The following OR13C9 variants were observed in gnomAD, a reference collection of about 807,000 sequenced individuals.
OR13C9 encodes olfactory receptor 13C9.
For synonymous variants in OR13C9, 133 were observed against 134.9 expected (o/e 0.99, Z 0.10); for missense variants, 368 against 382.2 (o/e 0.96, Z 0.31).
rs1826473866 is a variant in OR13C9, at chr9:104,617,907, G to A, written c.298C>T (p.Gln100Ter). The change falls in exon 1 of 1, where the codon CAG (glutamine) becomes TAG (stop). Residue 100 changes from glutamine (Q) to a stop codon, truncating the protein, a stop_gained. Transcript: ENST00000259362. LOFTEE classifies it low-confidence loss of function (END_TRUNC). ...KTISFSGCAVQMFLGLAMGTT... is the reference protein window; with the variant it reads ...KTISFSGCAV ...CCCATGGCCAAGCCAAGGAACATCT[G>A]CACTGCACAGCCAGAAAAGGAAATG... The A allele has an allele frequency of 6.2e-7, 1 of 1,614,044 alleles. No individual in the cohort carries two copies. The highest frequency in any genetic ancestry group is 1.3e-5 in the African/African-American group (1 of 74,996).
chr9:104,617,769 C>T lies in OR13C9; in HGVS notation c.436G>A (p.Val146Ile), dbSNP rs79796878. 1.9e-3 allele frequency: 3,096 copies of T among 1,613,912 alleles called. 74 individuals are homozygous for T. In the African/African-American group the frequency reaches 0.034, roughly 18 times the overall value. Residue 146 changes from valine to isoleucine, a missense_variant, in exon 1 of 1, where the codon GTT becomes ATT. By Grantham distance (29) the Val-to-Ile change is conservative (BLOSUM62 3). Transcript: ENST00000259362. Reference sequence around the variant, plus strand: ...ACAATCCCTGCAAACCAGGACCCAACAGCCATGGGTACATAGGCATTCTTG... The same window carrying T: ...ACAATCCCTGCAAACCAGGACCCAATAGCCATGGGTACATAGGCATTCTTG... The part of the protein sequence containing the change: ...MSKNAYVPMA[V>I]GSWFAGIVNS...
rs770746790 is a variant in OR13C9, at chr9:104,617,596, T to G, written c.609A>C (p.Thr203=). The G allele has an allele frequency of 1.9e-6, 3 of 1,613,800 alleles. No individual in the cohort carries two copies. The highest frequency in any genetic ancestry group is 1.7e-4 in the Middle Eastern group (1 of 6,060). The change falls in exon 1 of 1, where the codon ACA becomes ACC. Residue 203 remains threonine, a synonymous_variant. Transcript: ENST00000259362. The part of the protein sequence containing the change: ...SGNEFLMLVA[T]ILFTLMPLLL... Reference sequence around the variant, plus strand: ...GCAGTGGCATCAATGTGAACAATATTGTGGCCACAAGCATGAGGAACTCAT... The same window carrying G: ...GCAGTGGCATCAATGTGAACAATATGGTGGCCACAAGCATGAGGAACTCAT...
At position 104,617,546 on chromosome 9, in the gene OR13C9, A is replaced by G; in HGVS notation, c.659T>C (p.Leu220Ser). ...PLLLIVISYS[L>S]IISSILKIHS... ...AATCTTGAGGATGCTGGAAATGATT[A>G]ATGAGTAAGAGATAACTATCAAGAG... Residue 220 changes from leucine to serine, a missense_variant, in exon 1 of 1, where the codon TTA (leucine) becomes TCA (serine). Coordinates refer to ENST00000259362, the MANE Select transcript of OR13C9 (RefSeq NM_001001956.1). 1.2e-6 allele frequency: 2 copies of G among 1,613,858 alleles called. No homozygotes were observed. The highest frequency in any genetic ancestry group is 1.7e-6 in the Non-Finnish European group (2 of 1,179,916).
rs140784132 is a variant in OR13C9 at position 104,617,359 on chromosome 9, C to T, written c.846G>A (p.Met282Ile). 2.4e-4 allele frequency: 385 copies of T among 1,613,840 alleles called. No homozygotes were observed. The highest frequency in any genetic ancestry group is 1.4e-4 in the Non-Finnish European group (160 of 1,179,894). ...DLDATDKIIS[M>I]FYGVMTPMMN... ...TCATGGGAGTCATCACCCCATAGAA[C>T]ATGGATATAATTTTGTCGGTAGCAT... The change falls in exon 1 of 1, where the codon ATG becomes ATA. Residue 282 changes from methionine (M) to isoleucine (I), a missense_variant. Transcript: ENST00000259362.
chr9:104,617,822 T>C lies in OR13C9; in HGVS notation c.383A>G (p.Asn128Ser). 3 of 1,613,962 alleles carry C rather than the reference T, an allele frequency of 1.9e-6. No homozygotes were observed. Among genetic ancestry groups the C allele is most frequent in the Non-Finnish European group, 2.5e-6 (3 of 1,179,970 alleles). The change falls in exon 1 of 1, where the codon AAC (asparagine) becomes AGC (serine). Residue 128 changes from asparagine (N) to serine (S), a missense_variant. Asn to Ser is a conservative substitution (Grantham distance 46). Transcript: ENST00000259362. Reference protein sequence around the residue: ...MAFDRYVAICNPLRYPIIMSK... With the variant: ...MAFDRYVAICSPLRYPIIMSK... ...CATGATGATGGGATATCTCAGAGGG[T>C]TGCAGATAGCCACATAGCGGTCAAA...
chr9:104,617,439 G>A lies in OR13C9; in HGVS notation c.766C>T (p.Leu256Phe), dbSNP rs746441851. The change falls in exon 1 of 1, where the codon CTC (leucine) becomes TTC (phenylalanine). Residue 256 changes from leucine to phenylalanine, a missense_variant. Transcript: ENST00000259362. ...GACTTGGGCTTCATATACATGAAGA[G>A]GATGGTCCCATAGAATATTATGACC... The part of the protein sequence containing the change: ...TVVIIFYGTI[L>F]FMYMKPKSKE... 5 of 1,613,858 alleles carry A rather than the reference G, an allele frequency of 3.1e-6. No individual in the cohort carries two copies. Among genetic ancestry groups the A allele is most frequent in the South Asian group, 1.1e-5 (1 of 91,088 alleles).
rs143297558 is a variant in OR13C9 at position 104,617,394 on chromosome 9, C to T, written c.811G>A (p.Asp271Asn). The change falls in exon 1 of 1, where the codon GAT (aspartate) becomes AAT (asparagine). Residue 271 changes from aspartate (D) to asparagine (N), a missense_variant. Physicochemically the swap from Asp to Asn is conservative, Grantham distance 23. Transcript: ENST00000259362. The part of the protein sequence containing the change: ...KPKSKETLNS[D>N]DLDATDKIIS... Reference sequence around the variant, plus strand: ...ATTTTGTCGGTAGCATCCAAGTCATCTGAATTAAGTGTCTCTTTAGACTTG... The same window carrying T: ...ATTTTGTCGGTAGCATCCAAGTCATTTGAATTAAGTGTCTCTTTAGACTTG... The T allele has an allele frequency of 3.9e-5, 63 of 1,613,820 alleles. No individual in the cohort carries two copies. The Admixed American group carries it at 8.8e-4, about 23-fold the overall frequency.
rs1826478413 is a variant in OR13C9, at chr9:104,618,169, A to G, written c.36T>C (p.Phe12=). The change falls in exon 1 of 1, where the codon TTT becomes TTC. Residue 12 remains phenylalanine, a synonymous_variant. Transcript: ENST00000259362. ...EWENQTILVE[F]FLKGHSVHPR... is the part of the protein sequence containing the mutation. ...GGTGAACAGAATGTCCCTTCAGAAA[A>G]AATTCCACCAGAATGGTTTGGTTTT... The G allele has an allele frequency of 1.1e-5, 18 of 1,613,452 alleles. No homozygotes were observed. The highest frequency in any genetic ancestry group is 3.3e-5 in the Admixed American group (2 of 59,930).
In OR13C9 at chr9:104,617,658, C is replaced by G; in HGVS notation, c.547G>C (p.Ala183Pro). 6.2e-7 allele frequency: 1 copy of G among 1,613,950 alleles called. No homozygotes were observed. The highest frequency in any genetic ancestry group is 8.5e-7 in the Non-Finnish European group (1 of 1,179,972). Residue 183 changes from alanine (A) to proline (P), a missense_variant, in exon 1 of 1, where the codon GCT becomes CCT. Physicochemically the swap from Ala to Pro is conservative, Grantham distance 27. Coordinates refer to ENST00000259362, the MANE Select transcript of OR13C9 (RefSeq NM_001001956.1). ...VINHFSCEIL[A>P]VMKLACADIS... is the part of the protein sequence containing the mutation. ...TCAGCACAGGCCAACTTCATGACAG[C>G]TAGAATTTCACATGAGAAATGATTG... is the stretch of plus-strand genomic sequence containing the variant.
In OR13C9 at chr9:104,617,880, T is replaced by C; in HGVS notation, c.325A>G (p.Thr109Ala). The change falls in exon 1 of 1, where the codon ACA (threonine) becomes GCA (alanine). Residue 109 changes from threonine (T) to alanine (A), a missense_variant. Transcript: ENST00000259362. ...VQMFLGLAMG[T>A]TECVLLGMMA... The stretch of plus-strand genomic sequence containing the variant: ...ATGCCCAGAAGCACACACTCTGTTG[T>C]CCCCATGGCCAAGCCAAGGAACATC... 1 of 1,613,890 alleles carries C rather than the reference T, an allele frequency of 6.2e-7. No individual in the cohort carries two copies. Among genetic ancestry groups the C allele is most frequent in the Non-Finnish European group, 8.5e-7 (1 of 1,179,964 alleles).
At position 104,617,396 on chromosome 9, in the gene OR13C9, G is replaced by A; in HGVS notation, c.809C>T (p.Ser270Leu). The change falls in exon 1 of 1, where the codon TCA becomes TTA. Residue 270 changes from serine (S) to leucine (L), a missense_variant. Transcript: ENST00000259362. Reference protein sequence around the residue: ...MKPKSKETLNSDDLDATDKII... With the variant: ...MKPKSKETLNLDDLDATDKII... ...TTTGTCGGTAGCATCCAAGTCATCT[G>A]AATTAAGTGTCTCTTTAGACTTGGG... 2 of 1,613,818 alleles carry A rather than the reference G, an allele frequency of 1.2e-6. No individual in the cohort carries two copies. The highest frequency in any genetic ancestry group is 1.7e-5 in the Admixed American group (1 of 59,936).
chr9:104,617,426 A>T lies in OR13C9; in HGVS notation c.779T>A (p.Met260Lys). 1 of 1,613,882 alleles carries T rather than the reference A, an allele frequency of 6.2e-7. No homozygotes were observed. The highest frequency in any genetic ancestry group is 8.5e-7 in the Non-Finnish European group (1 of 1,179,936). The change falls in exon 1 of 1, where the codon ATG becomes AAG. Residue 260 changes from methionine (M) to lysine (K), a missense_variant. By Grantham distance (95) the Met-to-Lys change is moderately conservative. Transcript: ENST00000259362. ...IFYGTILFMYMKPKSKETLNS... is the reference protein window; with the variant it reads ...IFYGTILFMYKKPKSKETLNS... The stretch of plus-strand genomic sequence containing the variant: ...AAGTGTCTCTTTAGACTTGGGCTTC[A>T]TATACATGAAGAGGATGGTCCCATA...
chr9:104,617,316 T>C lies in OR13C9; in HGVS notation c.889A>G (p.Ser297Gly), dbSNP rs200843330. 8.4e-5 allele frequency: 136 copies of C among 1,613,598 alleles called. No homozygotes were observed. Among genetic ancestry groups the C allele is most frequent in the Non-Finnish European group, 9.9e-5 (117 of 1,179,788 alleles). ...TCTTTCACATCCTTGTTTCTAAGAC[T>C]GTAGATTAAAGGATTCATCATGGGA... is the stretch of plus-strand genomic sequence containing the variant. ...MTPMMNPLIY[S>G]LRNKDVKEAV... Residue 297 changes from serine to glycine, a missense_variant, in exon 1 of 1, where the codon AGT (serine) becomes GGT (glycine). Transcript: ENST00000259362.
rs567541368 is a variant in OR13C9, at chr9:104,617,402, A to T, written c.803T>A (p.Leu268His). The T allele has an allele frequency of 6.2e-6, 10 of 1,613,880 alleles. No individual in the cohort carries two copies. The South Asian group carries it at 9.9e-5, about 16-fold the overall frequency. ...MYMKPKSKETLNSDDLDATDK... is the reference protein window; with the variant it reads ...MYMKPKSKETHNSDDLDATDK... ...GGTAGCATCCAAGTCATCTGAATTA[A>T]GTGTCTCTTTAGACTTGGGCTTCAT... The change falls in exon 1 of 1, where the codon CTT (leucine) becomes CAT (histidine). Residue 268 changes from leucine (L) to histidine (H), a missense_variant. Physicochemically the swap from Leu to His is moderately conservative, Grantham distance 99. Transcript: ENST00000259362.
Position 104,617,585 on chromosome 9 carries a change from G to T in OR13C9, c.620C>A (p.Thr207Lys). 1 of 1,613,838 alleles carries T rather than the reference G, an allele frequency of 6.2e-7. No individual in the cohort carries two copies. Among genetic ancestry groups the T allele is most frequent in the Non-Finnish European group, 8.5e-7 (1 of 1,179,874 alleles). The change falls in exon 1 of 1, where the codon ACA becomes AAA. Residue 207 changes from threonine (T) to lysine (K), a missense_variant. Physicochemically the swap from Thr to Lys is moderately conservative, Grantham distance 78. Transcript: ENST00000259362. ...FLMLVATILF[T>K]LMPLLLIVIS... ...AACTATCAAGAGCAGTGGCATCAAT[G>T]TGAACAATATTGTGGCCACAAGCAT... is the stretch of plus-strand genomic sequence containing the variant.
Position 104,617,644 on chromosome 9 carries a change from C to A in OR13C9, c.561G>T (p.Leu187Phe). 1 of 1,613,850 alleles carries A rather than the reference C, an allele frequency of 6.2e-7. No individual in the cohort carries two copies. Among genetic ancestry groups the A allele is most frequent in the Non-Finnish European group, 8.5e-7 (1 of 1,179,922 alleles). Residue 187 changes from leucine (L) to phenylalanine (F), a missense_variant, in exon 1 of 1, where the codon TTG (leucine) becomes TTT (phenylalanine). Coordinates refer to ENST00000259362, the MANE Select transcript of OR13C9 (RefSeq NM_001001956.1). Reference sequence around the variant, plus strand: ...CATTGCCTGAGATGTCAGCACAGGCCAACTTCATGACAGCTAGAATTTCAC... The same window carrying A: ...CATTGCCTGAGATGTCAGCACAGGCAAACTTCATGACAGCTAGAATTTCAC... ...FSCEILAVMK[L>F]ACADISGNEF...
chr9:104,618,130 T>G lies in OR13C9; in HGVS notation c.75A>C (p.Leu25Phe). The part of the protein sequence containing the change: ...KGHSVHPRLE[L>F]LFFVLIFIMY... ...TTATGAAGATTAGCACAAAAAAGAG[T>G]AACTCAAGCCTTGGGTGAACAGAAT... is the stretch of plus-strand genomic sequence containing the variant. Residue 25 changes from leucine (L) to phenylalanine (F), a missense_variant, in exon 1 of 1, where the codon TTA (leucine) becomes TTC (phenylalanine). Physicochemically the swap from Leu to Phe is conservative, Grantham distance 22 (BLOSUM62 0). Coordinates refer to ENST00000259362, the MANE Select transcript of OR13C9 (RefSeq NM_001001956.1). 1 of 1,613,614 alleles carries G rather than the reference T, an allele frequency of 6.2e-7. No individual in the cohort carries two copies. The highest frequency in any genetic ancestry group is 8.5e-7 in the Non-Finnish European group (1 of 1,179,764).
Position 104,617,464 on chromosome 9 carries a change from C to G in OR13C9, c.741G>C (p.Val247=), listed in dbSNP as rs1826463276. 4 of 1,613,774 alleles carry G rather than the reference C, an allele frequency of 2.5e-6. No individual in the cohort carries two copies. In the African/African-American group the frequency reaches 4.0e-5, roughly 16 times the overall value. ...AFSTCSAHLT[V]VIIFYGTILF... ...GGATGGTCCCATAGAATATTATGAC[C>G]ACAGTCAGATGGGCTGAGCAGGTAG... Residue 247 remains valine (V), a synonymous_variant, in exon 1 of 1, where the codon GTG becomes GTC. Transcript: ENST00000259362.
chr9:104,617,290 C>T lies in OR13C9; in HGVS notation c.915G>A (p.Glu305=), dbSNP rs1251950951. The change falls in exon 1 of 1, where the codon GAG becomes GAA. Residue 305 remains glutamate, a synonymous_variant. Coordinates refer to ENST00000259362, the MANE Select transcript of OR13C9 (RefSeq NM_001001956.1). ...TTCTGTTCGGTAGGTGTTTTACTGCCTCTTTCACATCCTTGTTTCTAAGAC... is the reference window on the plus strand; with the variant it reads ...TTCTGTTCGGTAGGTGTTTTACTGCTTCTTTCACATCCTTGTTTCTAAGAC... ...IYSLRNKDVK[E]AVKHLPNRRF... 2 of 1,613,034 alleles carry T rather than the reference C, an allele frequency of 1.2e-6. No individual in the cohort carries two copies. The highest frequency in any genetic ancestry group is 2.2e-5 in the South Asian group (2 of 90,958).
Sources: allele counts gnomAD v4.1 joint callset, GRCh38; gene constraint gnomAD v4.1.1; transcripts MANE v1.5; gene names NCBI Gene and HGNC (gene_info 2026-07-23, HGNC 2026-07-21).